The following ERC2 variants were observed in gnomAD, a reference collection of about 807,000 sequenced individuals.
ERC2 encodes ELKS/RAB6-interacting/CAST family member 2, also known as ERC protein 2.
In ERC2, 42 loss-of-function variants were observed where a neutral mutation model predicts 114.8. That is an observed-to-expected ratio of 0.37 (90% CI 0.29 to 0.47). ERC2 has a LOEUF of 0.47. Among genes scored for constraint, ERC2 ranks in the 20% least tolerant of loss-of-function variants. The probability of loss-of-function intolerance (pLI) is 0.99; values close to 1 mark genes in which losing one functional copy is unlikely to be tolerated. For missense variants in ERC2, 939 were observed against 1,150.7 expected (o/e 0.82, Z 2.66); for synonymous variants, 454 against 425.5 (o/e 1.07, Z -0.82).
intron 2 of ERC2, among the ~76,000 whole-genome samples, chr3:56,417,612 A>G (rs764373676): frequency 1.3e-5 from 2 of 152,236 alleles, no homozygotes; most frequent in Non-Finnish European, 2.9e-5. Context: ...TTAAACTATT[A>G]CCACATCTAT....
At chr3:56,422,758 G>A (rs372808964) in intron 2 of ERC2, among the ~76,000 whole-genome samples, 4 of 152,282 alleles carry the variant, frequency 2.6e-5, no homozygotes, top group African/African-American at 9.6e-5. Context: ...TCAAATCGCA[G>A]CTCTATTGGT....
At chr3:55,935,770 T>C (rs2066401658) in intron 13 of ERC2, among the ~76,000 whole-genome samples, 1 of 152,150 alleles carries the variant, frequency 6.6e-6, no homozygotes. Context: ...TCTGGCCCCT[T>C]TGTTACGCTG....
intron 4 of ERC2, among the ~76,000 whole-genome samples, chr3:56,161,284 G>C (rs139803186): frequency 6.6e-6 from 1 of 152,144 alleles, no homozygotes; most frequent in African/African-American, 2.4e-5. Flanking sequence ...GCCAAACCAT[G>C]AGCCAATTAA....
intron 2 of ERC2, among the ~76,000 whole-genome samples, chr3:56,329,098 A>G (rs1380630443): frequency 1.3e-5 from 2 of 152,200 alleles, no homozygotes; most frequent in Non-Finnish European, 2.9e-5. Flanking sequence ...TTATTTTCCA[A>G]TAAAAGGATA....
intron 15 of ERC2, among the ~76,000 whole-genome samples, chr3:55,733,157 G>C (rs930281013): frequency 4.6e-5 from 7 of 152,148 alleles, no homozygotes; most frequent in African/African-American, 1.2e-4. Context: ...AGGAGAGGAG[G>C]GTGCAGGGAA....
chr3:56,048,042 T>C (rs1348661070), intron 7 of ERC2, among the ~76,000 whole-genome samples: 2 of 152,208 alleles, frequency 1.3e-5, no homozygotes, highest in African/African-American at 4.8e-5. Context: ...TGCCTGGTGA[T>C]TTTCTTTAAA....
In ERC2 at chr3:56,084,159, G is replaced by A. The variant is rs1263214604; in HGVS notation, c.1474-3175C>T. 2.0e-5 allele frequency among the ~76,000 whole-genome samples: 3 copies of A among 152,230 alleles called. No individual in the cohort carries two copies. In the East Asian group the frequency reaches 5.8e-4, roughly 29 times the overall value. The stretch of plus-strand genomic sequence containing the variant: ...GGGAAATGCAAATCAAAACTACAGT[G>A]AGAATACCACCTTATCCCAACCAGA... On this transcript the variant is annotated intron_variant, in intron 6 of 17. Transcript: ENST00000288221.
intron 6 of ERC2, among the ~76,000 whole-genome samples, chr3:56,133,436 C>T (rs760693872): frequency 5.3e-5 from 8 of 151,700 alleles, no homozygotes; most frequent in Non-Finnish European, 1.2e-4. Context: ...GACCCCGCTG[C>T]AAAAAAATAA....
intron 12 of ERC2, among the ~76,000 whole-genome samples, chr3:55,977,869 G>T (rs1310625918): frequency 6.6e-6 from 1 of 152,094 alleles, no homozygotes; most frequent in East Asian, 1.9e-4. Flanking sequence ...ATGCAGAGGT[G>T]AAAAAGAGTA....
intron 2 of ERC2, among the ~76,000 whole-genome samples, chr3:56,425,175 C>A (rs549250965): frequency 3.9e-5 from 6 of 152,106 alleles, no homozygotes; most frequent in Non-Finnish European, 2.9e-5. Context: ...ATCACAGAAA[C>A]CTCTTCTCAC....
chr3:56,271,337 G>A (rs1451314939), intron 3 of ERC2, among the ~76,000 whole-genome samples: 2 of 152,216 alleles, frequency 1.3e-5, no homozygotes, highest in African/African-American at 4.8e-5. Flanking sequence ...AGCACCTGGA[G>A]ATATGGTTAT....
intron 3 of ERC2, among the ~76,000 whole-genome samples, chr3:56,204,954 ATGTC>A (rs2048632748): frequency 7.4e-6 from 1 of 135,618 alleles, no homozygotes; most frequent in Non-Finnish European, 1.6e-5. Context: ...GTGTGTGTGT[ATGTC>A]TGTCTGTCTC....
intron 1 of ERC2, among the ~76,000 whole-genome samples, chr3:56,451,210 T>G (rs879696428): frequency 6.6e-6 from 1 of 152,182 alleles, no homozygotes; most frequent in African/African-American, 2.4e-5. Context: ...GATAGAGAGA[T>G]AGAATAAAAA....
chr3:56,037,058 A>G (rs1406962157), intron 7 of ERC2, among the ~76,000 whole-genome samples: 1 of 152,222 alleles, frequency 6.6e-6, no homozygotes, highest in African/African-American at 2.4e-5. Flanking sequence ...AGCCTCAAAG[A>G]TCAAGCAAAG....
At position 55,925,017 on chromosome 3, in the gene ERC2, T is replaced by C. The variant is rs997305862; in HGVS notation, c.2403+25408A>G. Among the ~76,000 whole-genome samples the C allele has an allele frequency of 5.9e-5, 9 of 152,196 alleles. No individual in the cohort carries two copies. In the South Asian group the frequency reaches 1.0e-3, roughly 18 times the overall value. Reference sequence around the variant, plus strand: ...TAGCTTCAAAGCTTAAACAAGGTTATTTAATCTGTTGCCACTTCCAACAAA... The same window carrying C: ...TAGCTTCAAAGCTTAAACAAGGTTACTTAATCTGTTGCCACTTCCAACAAA... On this transcript the variant is annotated intron_variant, in intron 13 of 17. Transcript: ENST00000288221.
intron 5 of ERC2, among the ~76,000 whole-genome samples, chr3:56,141,493 G>A (rs1189803937): frequency 6.6e-6 from 1 of 152,192 alleles, no homozygotes; most frequent in African/African-American, 2.4e-5. Context: ...CAGAAAGACA[G>A]GGAGGCCTGT....
intron 2 of ERC2, among the ~76,000 whole-genome samples, chr3:56,311,178 A>G (rs1256015439): frequency 2.0e-5 from 3 of 148,836 alleles, no homozygotes; most frequent in African/African-American, 7.5e-5. Context: ...ATAATTTAAC[A>G]CATTCATATA....
chr3:55,972,622 C>G (rs1486244357), intron 12 of ERC2, among the ~76,000 whole-genome samples: 1 of 152,176 alleles, frequency 6.6e-6, no homozygotes, highest in African/African-American at 2.4e-5. Context: ...GTTTTTATGG[C>G]TGCATAGTAT....
chr3:55,541,826 T>C (rs908697784), intron 17 of ERC2, among the ~76,000 whole-genome samples: 1 of 152,226 alleles, frequency 6.6e-6, no homozygotes, highest in Admixed American at 6.5e-5. Context: ...TTTACAAACG[T>C]TGAATATAGA....
Sources: allele counts gnomAD v4.1 joint callset (sites outside exome capture counted in the v4.1 genomes callset), GRCh38; gene constraint gnomAD v4.1.1; transcripts MANE v1.5; gene names NCBI Gene and HGNC (gene_info 2026-07-23, HGNC 2026-07-21).